The following ETFA variants were observed in gnomAD, a reference collection of about 807,000 sequenced individuals.
The protein encoded by ETFA is electron transfer flavoprotein subunit alpha.
Under a neutral mutation model 46.2 loss-of-function variants are expected in ETFA, and 22 were observed. That is an observed-to-expected ratio of 0.48 (90% CI 0.34 to 0.68). The LOEUF (loss-of-function observed/expected upper bound fraction) is 0.68, where lower values mean the gene tolerates loss of function less well. ETFA is among the 30% of genes least tolerant of loss of function. The pLI, the probability that ETFA is intolerant of heterozygous loss-of-function variation, is 0.01. For missense variants in ETFA, 345 were observed against 401.1 expected (o/e 0.86, Z 1.19); for synonymous variants, 131 against 139.9 (o/e 0.94, Z 0.45).
chr15:76,264,836 A>G (rs1424628584), intron 9 of ETFA, among the ~76,000 whole-genome samples: 2 of 152,244 alleles, frequency 1.3e-5, no homozygotes, highest in South Asian at 4.1e-4. Context: ...TTGGACACAC[A>G]AAAAAGGAAT....
At chr15:76,267,895 C>A (rs1317699962) in intron 9 of ETFA, among the ~76,000 whole-genome samples, 1 of 152,126 alleles carries the variant, frequency 6.6e-6, no homozygotes, top group Non-Finnish European at 1.5e-5. Flanking sequence ...TTGTGTCTCT[C>A]CAGGTGACAA....
At position 76,292,454 on chromosome 15, in the gene ETFA, C is replaced by T; in HGVS notation, c.328G>A (p.Ala110Thr). The T allele has an allele frequency of 1.2e-6, 2 of 1,613,732 alleles. No homozygotes were observed. Among genetic ancestry groups the T allele is most frequent in the South Asian group, 1.1e-5 (1 of 91,078 alleles). Reference protein sequence around the residue: ...QKQFNYTHICAGASAFGKNLL... With the variant: ...QKQFNYTHICTGASAFGKNLL... ...ACCTTTCCGAAGGCAGATGCTCCAGCACAGATGTGTGTGTAATTGAACTGC... is the reference window on the plus strand; with the variant it reads ...ACCTTTCCGAAGGCAGATGCTCCAGTACAGATGTGTGTGTAATTGAACTGC... Residue 110 changes from alanine to threonine, a missense_variant, in exon 4 of 12, where the codon GCT (alanine) becomes ACT (threonine). Ala to Thr is a moderately conservative substitution (Grantham distance 58, BLOSUM62 0). Coordinates refer to ENST00000557943, the MANE Select transcript of ETFA (RefSeq NM_000126.4).
At chr15:76,294,362 C>T (rs1029847485) in intron 2 of ETFA, among the ~76,000 whole-genome samples, 11 of 152,314 alleles carry the variant, frequency 7.2e-5, no homozygotes, top group African/African-American at 2.4e-4. Flanking sequence ...AGCCATCACA[C>T]ATCACACATT....
At chr15:76,217,543 T>C (rs2038909076) in intron 11 of ETFA, 1 of 434,478 alleles carries the variant, frequency 2.3e-6, no homozygotes, top group Non-Finnish European at 4.7e-6. Flanking sequence ...CAAGGGGAAA[T>C]GGCCTGAGTT....
At position 76,292,509 on chromosome 15, in the gene ETFA, T is replaced by C. The variant is rs1043494451; in HGVS notation, c.273A>G (p.Glu91=). 1.2e-6 allele frequency: 2 copies of C among 1,611,760 alleles called. No individual in the cohort carries two copies. Among genetic ancestry groups the C allele is most frequent in the Non-Finnish European group, 1.7e-6 (2 of 1,177,924 alleles). ...GAGTTGCCAAAATCAATGGTGTCAG[T>C]TCCTCTGAGAATTAAACACATTTGA... ...HDVYKGLLPE[E]LTPLILATQK... Residue 91 remains glutamate, a synonymous_variant, in exon 4 of 12, where the codon GAA becomes GAG. Coordinates refer to ENST00000557943, the MANE Select transcript of ETFA (RefSeq NM_000126.4).
intron 5 of ETFA, among the ~76,000 whole-genome samples, chr15:76,286,942 G>C (rs1471203560): frequency 6.6e-6 from 1 of 152,198 alleles, no homozygotes; most frequent in African/African-American, 2.4e-5. Context: ...AAGAGGATTT[G>C]AGACACTCTG....
At chr15:76,261,921 G>A (rs1183209611) in intron 9 of ETFA, among the ~76,000 whole-genome samples, 2 of 152,182 alleles carry the variant, frequency 1.3e-5, no homozygotes, top group African/African-American at 4.8e-5. Flanking sequence ...GGCCAAGATA[G>A]GTGGATCGCT....
chr15:76,233,433 G>A (rs368994196), intron 9 of ETFA, among the ~76,000 whole-genome samples: 38 of 146,378 alleles, frequency 2.6e-4, no homozygotes, highest in African/African-American at 6.6e-4. Flanking sequence ...AGGTTCAAGC[G>A]ATTCTCCCGC....
intron 9 of ETFA, among the ~76,000 whole-genome samples, chr15:76,264,513 C>T (rs1352854570): frequency 6.6e-6 from 1 of 152,306 alleles, no homozygotes; most frequent in Admixed American, 6.5e-5. Flanking sequence ...AGTTGTCTGA[C>T]AAGGACCTAA....
chr15:76,251,373 G>A (rs2041967212), intron 9 of ETFA, among the ~76,000 whole-genome samples: 1 of 152,214 alleles, frequency 6.6e-6, no homozygotes, highest in Admixed American at 6.5e-5. Context: ...AGTACAGTAA[G>A]TTTACTTGTG....
intron 2 of ETFA, 70 bp from the exon 3 acceptor site, chr15:76,292,770 T>C (rs1360890024): frequency 4.0e-6 from 4 of 1,012,018 alleles, no homozygotes; most frequent in African/African-American, 1.6e-5. Context: ...CCACTATAAA[T>C]ATCAACAGAT....
At chr15:76,261,876 C>T (rs1397098959) in intron 9 of ETFA, among the ~76,000 whole-genome samples, 2 of 152,178 alleles carry the variant, frequency 1.3e-5, no homozygotes, top group African/African-American at 4.8e-5. Flanking sequence ...AGGCCAGGTG[C>T]AGTGGTTCAC....
At chr15:76,300,381 A>G (rs1050455779) in intron 1 of ETFA, among the ~76,000 whole-genome samples, 2 of 152,114 alleles carry the variant, frequency 1.3e-5, no homozygotes, top group Non-Finnish European at 2.9e-5. Flanking sequence ...TGCCCCAACC[A>G]TGACCAGAGA....
chr15:76,293,215 G>T (rs969770459), intron 2 of ETFA, among the ~76,000 whole-genome samples: 5 of 152,164 alleles, frequency 3.3e-5, no homozygotes, highest in African/African-American at 1.2e-4. Context: ...ACTACTGACT[G>T]ACCTTACACT....
intron 9 of ETFA, among the ~76,000 whole-genome samples, chr15:76,266,674 C>T (rs955632566): frequency 7.9e-5 from 12 of 152,192 alleles, no homozygotes; most frequent in Admixed American, 5.9e-4. Flanking sequence ...GAGGCCAAGG[C>T]GGGTGGCTCA....
chr15:76,224,737 C>T lies in ETFA; in HGVS notation c.963+1112G>A, dbSNP rs1234467892. Among the ~76,000 whole-genome samples the T allele has an allele frequency of 4.6e-5, 7 of 152,278 alleles. 1 individual carries two copies. The highest frequency in any genetic ancestry group is 1.7e-4 in the African/African-American group (7 of 41,552). On this transcript the variant is annotated intron_variant, in intron 11 of 11. Coordinates refer to ENST00000557943, the MANE Select transcript of ETFA (RefSeq NM_000126.4). ...TCCTCACCCCAGCAAACCCACTTCT[C>T]CTAGGGTTGGATGCTATTTTCAGAG... is the stretch of plus-strand genomic sequence containing the variant.
At chr15:76,230,625 A>G (rs2039057664) in intron 10 of ETFA, 1 of 144,888 alleles carries the variant, frequency 6.9e-6, no homozygotes, top group Non-Finnish European at 1.5e-5. Flanking sequence ...TTTTTTTTGT[A>G]TTTTTAGTAG....
chr15:76,302,793 T>C (rs2039893417), intron 1 of ETFA, among the ~76,000 whole-genome samples: 1 of 152,178 alleles, frequency 6.6e-6, no homozygotes, highest in Non-Finnish European at 1.5e-5. Context: ...CTCTGTACTT[T>C]CCATTGGATT....
chr15:76,240,385 A>C (rs530818815), intron 9 of ETFA, among the ~76,000 whole-genome samples: 10 of 152,324 alleles, frequency 6.6e-5, no homozygotes, highest in Middle Eastern at 3.4e-3. Context: ...TATTCTTTTA[A>C]TCAGCCTACC....
Sources: gnomAD v4.1 joint callset for allele counts (sites outside exome capture counted in the v4.1 genomes callset) on GRCh38, gnomAD v4.1.1 for gene constraint, MANE v1.5 for transcripts, NCBI Gene and HGNC (gene_info 2026-07-23, HGNC 2026-07-21) for gene names.